The following CSMD3 variants were observed in gnomAD, a reference collection of about 807,000 sequenced individuals.
CSMD3 encodes the protein CUB and Sushi multiple domains 3, also known as CUB and sushi domain-containing protein 3.
A neutral mutation model predicts 435.2 loss-of-function variants in CSMD3; 177 were observed. The ratio of observed to expected loss-of-function variants is 0.41; its 90% CI spans 0.36 to 0.46. The LOEUF is 0.46. Ranked by LOEUF, CSMD3 falls within the 20% of genes least tolerant of loss-of-function variation. The probability of loss-of-function intolerance (pLI) is 0.34; values close to 1 mark genes in which losing one functional copy is unlikely to be tolerated. For missense variants in CSMD3, 4,265 were observed against 4,504.6 expected (o/e 0.95, Z 1.52); for synonymous variants, 1,656 against 1,520.5 (o/e 1.09, Z -2.07).
intron 13 of CSMD3, among the ~76,000 whole-genome samples, chr8:112,709,657 C>A (rs1168068115): frequency 2.0e-5 from 3 of 152,020 alleles, no homozygotes; most frequent in African/African-American, 7.2e-5. Context: ...TCTCAATCAA[C>A]AATTTTGTTT....
At chr8:113,022,842 C>T (rs1564219667) in intron 5 of CSMD3, among the ~76,000 whole-genome samples, 1 of 151,802 alleles carries the variant, frequency 6.6e-6, no homozygotes. Context: ...GAAAGAAATA[C>T]TGACAATAAT....
At chr8:112,586,504 T>C (rs1434055059) in intron 23 of CSMD3, among the ~76,000 whole-genome samples, 1 of 151,466 alleles carries the variant, frequency 6.6e-6, no homozygotes, top group African/African-American at 2.4e-5. Flanking sequence ...TTTAAATAAA[T>C]AATGTTTACA....
chr8:113,113,441 G>C (rs2090725248), intron 4 of CSMD3, among the ~76,000 whole-genome samples: 1 of 151,996 alleles, frequency 6.6e-6, no homozygotes, highest in African/African-American at 2.4e-5. Context: ...AGGCACAGTA[G>C]AAAAAAAGAT....
chr8:112,291,479 T>C (rs898790361), intron 56 of CSMD3, 31 bp downstream of exon 56: 1 of 1,449,548 alleles, frequency 6.9e-7, no homozygotes, highest in South Asian at 1.1e-5. Flanking sequence ...CATGACATGT[T>C]CTCAAGAAAC....
At chr8:112,785,706 A>G (rs1287431613) in intron 13 of CSMD3, among the ~76,000 whole-genome samples, 1 of 152,082 alleles carries the variant, frequency 6.6e-6, no homozygotes, top group Non-Finnish European at 1.5e-5. Flanking sequence ...AAAATAAAAT[A>G]CCTAGGAATA....
At chr8:112,440,074 C>T (rs768121679) in intron 32 of CSMD3, among the ~76,000 whole-genome samples, 1 of 152,260 alleles carries the variant, frequency 6.6e-6, no homozygotes, top group South Asian at 2.1e-4. Flanking sequence ...AGTTCAAAGT[C>T]TCATCTGAAT....
At chr8:113,166,180 A>T (rs1014059754) in intron 4 of CSMD3, among the ~76,000 whole-genome samples, 1 of 152,066 alleles carries the variant, frequency 6.6e-6, no homozygotes, top group Non-Finnish European at 1.5e-5. Context: ...ATACTTAGAA[A>T]TGTGACTTGT....
At chr8:113,088,513 T>C (rs1368270244) in intron 5 of CSMD3, among the ~76,000 whole-genome samples, 1 of 151,080 alleles carries the variant, frequency 6.6e-6, no homozygotes, top group Non-Finnish European at 1.5e-5. Flanking sequence ...ATATACACCA[T>C]GGAATACTAT....
At chr8:113,250,270 T>C (rs1315685903) in intron 3 of CSMD3, among the ~76,000 whole-genome samples, 2 of 152,100 alleles carry the variant, frequency 1.3e-5, no homozygotes, top group African/African-American at 4.8e-5. Flanking sequence ...TTCTGCCTAT[T>C]CATCAAATAA....
intron 11 of CSMD3, among the ~76,000 whole-genome samples, chr8:112,834,043 T>C (rs890436753): frequency 2.0e-5 from 3 of 152,000 alleles, no homozygotes; most frequent in Non-Finnish European, 4.4e-5. Context: ...TCCATTATAG[T>C]ATGATCATAT....
chr8:112,983,138 AAAAGT>A (rs1327378021), intron 6 of CSMD3, among the ~76,000 whole-genome samples: 4 of 151,942 alleles, frequency 2.6e-5, no homozygotes, highest in Admixed American at 6.6e-5. Flanking sequence ...GAGAAAGGAG[AAAAGT>A]AAAGAAAATT....
chr8:112,837,444 C>T (rs924078134), intron 11 of CSMD3, among the ~76,000 whole-genome samples: 4 of 151,564 alleles, frequency 2.6e-5, no homozygotes, highest in African/African-American at 9.7e-5. Context: ...GGGATTATAG[C>T]CCCATTTCTC....
At chr8:112,277,526 GC>G (rs1183152116) in intron 59 of CSMD3, among the ~76,000 whole-genome samples, 1 of 152,090 alleles carries the variant, frequency 6.6e-6, no homozygotes, top group Non-Finnish European at 1.5e-5. Flanking sequence ...CTTCTCCTGA[GC>G]CCTCCAAACT....
At chr8:113,065,085 T>A (rs2088795103) in intron 5 of CSMD3, among the ~76,000 whole-genome samples, 1 of 152,212 alleles carries the variant, frequency 6.6e-6, no homozygotes, top group Admixed American at 6.5e-5. Flanking sequence ...TTGTTGGTAA[T>A]CTGGAGTTAT....
In CSMD3 at chr8:112,335,605, C is replaced by G. The variant is rs574282071; in HGVS notation, c.7020-131G>C. The G allele has an allele frequency of 3.8e-6, 3 of 783,234 alleles. No homozygotes were observed. The East Asian group carries it at 8.0e-5, about 21-fold the overall frequency. 48.5% of individuals were successfully genotyped at this position (783,234 alleles called of 1,614,324 possible). On this transcript the variant is annotated intron_variant, in intron 44 of 70. Transcript: ENST00000297405. ...CAATAATAAAGATGCAGGAAGCTAA[C>G]CAATGAGTACAAATTATATATTCTA...
At chr8:113,036,615 A>G (rs1020893563) in intron 5 of CSMD3, among the ~76,000 whole-genome samples, 5 of 152,088 alleles carry the variant, frequency 3.3e-5, no homozygotes, top group African/African-American at 1.2e-4. Flanking sequence ...AAAAGGTGCA[A>G]TTCAATCCCA....
In CSMD3 at chr8:113,352,730, A is replaced by G. The variant is rs77031622; in HGVS notation, c.179-37937T>C. 5.1e-3 allele frequency among the ~76,000 whole-genome samples: 781 copies of G among 152,316 alleles called. 12 individuals carry two copies. Among genetic ancestry groups the G allele is most frequent in the African/African-American group, 0.018 (754 of 41,564 alleles). ...GAAAAGAAAACAGCTTAAGTTTGCA[A>G]GAGAGAAAGGAAACCAGGATGGCTA... is the stretch of plus-strand genomic sequence containing the variant. On this transcript the variant is annotated intron_variant, in intron 1 of 70. Transcript: ENST00000297405.
chr8:112,465,831 T>C (rs1459125349), intron 32 of CSMD3, among the ~76,000 whole-genome samples: 1 of 151,806 alleles, frequency 6.6e-6, no homozygotes, highest in African/African-American at 2.4e-5. Context: ...AAAAATTAGC[T>C]GGATGTGGTG....
At chr8:113,187,807 T>C (rs916705603) in intron 3 of CSMD3, among the ~76,000 whole-genome samples, 1 of 151,940 alleles carries the variant, frequency 6.6e-6, no homozygotes, top group African/African-American at 2.4e-5. Flanking sequence ...TTCTTCTGTG[T>C]CCATAAAAGG....
Sources: allele counts gnomAD v4.1 joint callset (sites outside exome capture counted in the v4.1 genomes callset), GRCh38; gene constraint gnomAD v4.1.1; transcripts MANE v1.5; gene names NCBI Gene and HGNC (gene_info 2026-07-23, HGNC 2026-07-21).